TAX1BP1: variants seen among roughly 807,000 people sequenced by gnomAD.
The protein encoded by TAX1BP1 is tax1-binding protein 1.
TAX1BP1 carries 62 observed loss-of-function variants against 97.7 expected under a neutral mutation model. The ratio of observed to expected loss-of-function variants is 0.63; its 90% CI spans 0.52 to 0.78. The LOEUF (loss-of-function observed/expected upper bound fraction) is 0.78. TAX1BP1 is among the 30% of genes least tolerant of loss of function. TAX1BP1 has a pLI of 0.00. For synonymous variants in TAX1BP1, 340 were observed against 304.2 expected (o/e 1.12, Z -1.23); for missense variants, 867 against 916.1 (o/e 0.95, Z 0.69).
intron 15 of TAX1BP1, among the ~76,000 whole-genome samples, chr7:27,827,168 A>C: frequency 6.6e-6 from 1 of 152,170 alleles, no homozygotes; most frequent in Non-Finnish European, 1.5e-5. Flanking sequence ...CCTGGCTAAC[A>C]TGGTGAAACC....
At chr7:27,828,580 G>T (rs1355450880) in intron 16 of TAX1BP1, 48 bp from the exon 17 acceptor site, 7 of 1,573,590 alleles carry the variant, frequency 4.4e-6, no homozygotes, top group Non-Finnish European at 6.1e-6. Context: ...ACAAGTTGTT[G>T]TTCTACATTT....
At chr7:27,762,771 A>G (rs1396197217) in intron 3 of TAX1BP1, among the ~76,000 whole-genome samples, 1 of 152,130 alleles carries the variant, frequency 6.6e-6, no homozygotes, top group Non-Finnish European at 1.5e-5. Context: ...CAATTTGGCA[A>G]AACTTCATCT....
intron 8 of TAX1BP1, among the ~76,000 whole-genome samples, chr7:27,788,099 C>T (rs974108571): frequency 6.6e-6 from 1 of 152,010 alleles, no homozygotes; most frequent in Non-Finnish European, 1.5e-5. Context: ...AGTGTCCCTA[C>T]ACTTTTTATG....
upstream of TAX1BP1, chr7:27,739,718 G>A (rs150910211): frequency 6.6e-6 from 1 of 152,134 alleles, no homozygotes; most frequent in African/African-American, 2.4e-5. Flanking sequence ...TTGGTGCTCA[G>A]GGGTTTGCAG....
chr7:27,757,125 C>G (rs543332843), intron 2 of TAX1BP1, among the ~76,000 whole-genome samples: 1 of 152,146 alleles, frequency 6.6e-6, no homozygotes. Context: ...TACAATCAGG[C>G]CAATCAGAAT....
Position 27,799,951 on chromosome 7 carries a change from C to A in TAX1BP1, c.1639-14C>A, listed in dbSNP as rs920608656. 3 of 1,578,102 alleles carry A rather than the reference C, an allele frequency of 1.9e-6. No individual in the cohort carries two copies. Among genetic ancestry groups the A allele is most frequent in the Non-Finnish European group, 2.6e-6 (3 of 1,163,350 alleles). ...AATTTAAAATCTTTTGGTAATTATA[C>A]TAATTTCATTTAGGATGAGAAAGCA... is the stretch of plus-strand genomic sequence containing the variant. On this transcript the variant is annotated splice_polypyrimidine_tract_variant and intron_variant, in intron 12 of 16. Transcript: ENST00000396319.
At chr7:27,826,473 CCCA>C (rs1791182898) in intron 15 of TAX1BP1, among the ~76,000 whole-genome samples, 1 of 152,132 alleles carries the variant, frequency 6.6e-6, no homozygotes, top group African/African-American at 2.4e-5. Context: ...ACTTAACTGA[CCCA>C]TTAATAGCAG....
intron 13 of TAX1BP1, among the ~76,000 whole-genome samples, chr7:27,812,035 A>G (rs1200935005): frequency 6.6e-6 from 1 of 152,156 alleles, no homozygotes; most frequent in Non-Finnish European, 1.5e-5. Context: ...TTGCGGGCTT[A>G]TATGGTAAGT....
chr7:27,802,456 A>G (rs375230067), intron 13 of TAX1BP1, among the ~76,000 whole-genome samples: 1 of 152,168 alleles, frequency 6.6e-6, no homozygotes, highest in South Asian at 2.1e-4. Flanking sequence ...GAATGATTTT[A>G]TTTGTATTTG....
intron 7 of TAX1BP1, among the ~76,000 whole-genome samples, chr7:27,786,162 C>T (rs565564920): frequency 1.1e-3 from 164 of 147,742 alleles, no homozygotes; most frequent in African/African-American, 3.8e-3. Context: ...GATGGAGTCT[C>T]GCTCTGTCGC....
chr7:27,805,634 C>G (rs1790309258), intron 13 of TAX1BP1, among the ~76,000 whole-genome samples: 5 of 152,010 alleles, frequency 3.3e-5, no homozygotes, highest in Admixed American at 3.3e-4. Flanking sequence ...GTCAGGAACT[C>G]GAGACCAGCT....
intron 11 of TAX1BP1, among the ~76,000 whole-genome samples, chr7:27,795,721 T>G (rs1789901632): frequency 6.6e-6 from 1 of 151,994 alleles, no homozygotes; most frequent in South Asian, 2.1e-4. Context: ...CCTGGCTAAT[T>G]TTTTGTATTT....
chr7:27,817,276 A>C (rs1016601646), intron 15 of TAX1BP1, among the ~76,000 whole-genome samples: 4 of 152,230 alleles, frequency 2.6e-5, no homozygotes, highest in African/African-American at 9.6e-5. Flanking sequence ...TTATATACTA[A>C]AGTAAAAGAT....
chr7:27,801,242 A>AT (rs33986454), intron 13 of TAX1BP1, among the ~76,000 whole-genome samples: 55,218 of 145,868 alleles, frequency 0.38, 10,526 homozygotes, highest in African/African-American at 0.4. Flanking sequence ...TATAATTTAC[A>AT]TTTTTTTTTT....
At chr7:27,740,040 G>C (rs1327704405), upstream of TAX1BP1, 2 of 152,258 alleles carry the variant, frequency 1.3e-5, no homozygotes, top group South Asian at 2.1e-4. Flanking sequence ...GTCCCGCGGC[G>C]GAGTGGGCTG....
intron 8 of TAX1BP1, among the ~76,000 whole-genome samples, chr7:27,788,453 A>G (rs1378048269): frequency 6.6e-6 from 1 of 152,006 alleles, no homozygotes; most frequent in South Asian, 2.1e-4. Context: ...GATGCTCCTC[A>G]CCTGCATCAG....
At chr7:27,828,321 G>C (rs1257627964) in intron 16 of TAX1BP1, among the ~76,000 whole-genome samples, 1 of 152,160 alleles carries the variant, frequency 6.6e-6, no homozygotes. Context: ...GGCATTTTCT[G>C]TTAAACGTGG....
Position 27,769,766 on chromosome 7 carries a change from G to A in TAX1BP1, c.544G>A (p.Val182Ile), listed in dbSNP as rs778689032. ...AGAAACAGCACAACTTCGAGAACAA[G>A]TTGGGAGAATGGAAAGAGAACTTAA... ...EKETAQLREQ[V>I]GRMERELNHE... Residue 182 changes from valine (V) to isoleucine (I), a missense_variant, in exon 5 of 17, where the codon GTT becomes ATT. By Grantham distance (29) the Val-to-Ile change is conservative. This residue lies in a region of TAX1BP1 where 822 missense variants were observed against 851.4 expected (regional missense o/e 0.97). Transcript: ENST00000396319. The A allele has an allele frequency of 1.2e-6, 2 of 1,612,764 alleles. No individual in the cohort carries two copies. The highest frequency in any genetic ancestry group is 1.3e-5 in the African/African-American group (1 of 74,988).
chr7:27,827,852 G>A (rs960876217), intron 16 of TAX1BP1, 32 bp downstream of exon 16: 5 of 1,594,026 alleles, frequency 3.1e-6, no homozygotes, highest in South Asian at 1.1e-5. Context: ...TAGAATTTGG[G>A]TTATATCGGC....
Sources: allele counts gnomAD v4.1 joint callset (sites outside exome capture counted in the v4.1 genomes callset), GRCh38; gene constraint gnomAD v4.1.1; regional missense constraint gnomAD v4.1.1; transcripts MANE v1.5; gene names NCBI Gene and HGNC (gene_info 2026-07-23, HGNC 2026-07-21).